The following CPS1 variants were observed in gnomAD, a reference collection of about 807,000 sequenced individuals.
CPS1 encodes the protein carbamoyl-phosphate synthase [ammonia], mitochondrial.
CPS1 carries 109 observed loss-of-function variants against 174.6 expected under a neutral mutation model. That is an observed-to-expected ratio of 0.62 (90% CI 0.53 to 0.73). CPS1 has a LOEUF of 0.73. Among genes scored for constraint, CPS1 ranks in the 30% least tolerant of loss-of-function variants. The pLI is 0.00. For missense variants in CPS1, 1,689 were observed against 1,821.9 expected (o/e 0.93, Z 1.33); for synonymous variants, 637 against 632.0 (o/e 1.01, Z -0.12).
At chr2:210,572,578 A>G (rs1306558107) in intron 1 of CPS1, among the ~76,000 whole-genome samples, 1 of 152,052 alleles carries the variant, frequency 6.6e-6, no homozygotes, top group East Asian at 1.9e-4. Context: ...TTTGGTAGAC[A>G]CTGGCTCAAA....
intron 34 of CPS1, among the ~76,000 whole-genome samples, chr2:210,668,681 CTCTG>C (rs1359585375): frequency 6.6e-6 from 1 of 152,098 alleles, no homozygotes; most frequent in Non-Finnish European, 1.5e-5. Flanking sequence ...CTTGATATTT[CTCTG>C]TCTCTTGATT....
In CPS1 at chr2:210,602,309, T is replaced by A. The variant is rs1698755276; in HGVS notation, c.1815T>A (p.Thr605=). The A allele has an allele frequency of 4.3e-6, 7 of 1,612,618 alleles. No homozygotes were observed. Among genetic ancestry groups the A allele is most frequent in the Non-Finnish European group, 5.1e-6 (6 of 1,179,048 alleles). The part of the protein sequence containing the change: ...LGSGICPNRE[T]LMDLSTKAFA... The stretch of plus-strand genomic sequence containing the variant: ...CAGGCATCTGTCCCAACAGAGAGAC[T>A]TTGATGGACCTCAGCACAAAGGTAT... The change falls in exon 16 of 38, where the codon ACT becomes ACA. Residue 605 remains threonine, a synonymous_variant. Coordinates refer to ENST00000233072, the MANE Select transcript of CPS1 (RefSeq NM_001875.5).
At chr2:210,641,626 C>T (rs906084675) in intron 24 of CPS1, among the ~76,000 whole-genome samples, 1 of 152,214 alleles carries the variant, frequency 6.6e-6, no homozygotes, top group Admixed American at 6.5e-5. Context: ...TACCTGTCTA[C>T]TCTCTGGAGT....
chr2:210,481,857 G>T (rs1248527610), intron 1 of CPS1, among the ~76,000 whole-genome samples: 1 of 152,242 alleles, frequency 6.6e-6, no homozygotes, highest in Non-Finnish European at 1.5e-5. Flanking sequence ...AGACCTAGAA[G>T]GACACTTCAA....
chr2:210,596,176 G>GT (rs1208824114), intron 13 of CPS1, among the ~76,000 whole-genome samples: 9 of 151,936 alleles, frequency 5.9e-5, no homozygotes, highest in African/African-American at 1.9e-4. Flanking sequence ...CATCCTTCCT[G>GT]TTTCTTTAAA....
At chr2:210,487,971 G>A (rs1241646775) in intron 1 of CPS1, among the ~76,000 whole-genome samples, 1 of 152,122 alleles carries the variant, frequency 6.6e-6, no homozygotes, top group Non-Finnish European at 1.5e-5. Context: ...GGACCATGGG[G>A]ATGTGTCCTA....
chr2:210,632,016 A>G (rs1312707060), intron 21 of CPS1, among the ~76,000 whole-genome samples: 1 of 152,242 alleles, frequency 6.6e-6, no homozygotes, highest in Non-Finnish European at 1.5e-5. Context: ...TAAATGGAGT[A>G]TTCCCTATTG....
intron 1 of CPS1, among the ~76,000 whole-genome samples, chr2:210,538,179 A>G (rs1263612560): frequency 5.3e-5 from 8 of 152,118 alleles, no homozygotes; most frequent in African/African-American, 1.9e-4. Flanking sequence ...ATAAGATGCC[A>G]TTTTCAGAGT....
chr2:210,627,302 C>G (rs927643096), intron 21 of CPS1, among the ~76,000 whole-genome samples: 1 of 152,008 alleles, frequency 6.6e-6, no homozygotes, highest in African/African-American at 2.4e-5. Flanking sequence ...TTAAGTTTTG[C>G]TTTATTTATA....
chr2:210,564,665 C>T (rs559340160), intron 1 of CPS1, among the ~76,000 whole-genome samples: 54 of 151,988 alleles, frequency 3.6e-4, no homozygotes, highest in Middle Eastern at 3.4e-3. Flanking sequence ...CGTGAGCCAC[C>T]GCGCCCGGCC....
At chr2:210,595,634 A>C in intron 13 of CPS1, 52 bp downstream of exon 13, 1 of 1,205,428 alleles carries the variant, frequency 8.3e-7, no homozygotes, top group African/African-American at 1.5e-5. Context: ...TAATGAGTCT[A>C]ATTAGTATTT....
chr2:210,674,609 G>A (rs1345998243), intron 34 of CPS1: 10 of 412,724 alleles, frequency 2.4e-5, no homozygotes, highest in African/African-American at 8.0e-5. Flanking sequence ...TTGTAGAACC[G>A]AAGTGGATCT....
chr2:210,643,098 T>C (rs1164634774), intron 25 of CPS1, among the ~76,000 whole-genome samples: 3 of 152,182 alleles, frequency 2.0e-5, no homozygotes, highest in Non-Finnish European at 2.9e-5. Flanking sequence ...TCCCTGAAAA[T>C]AGTCAATTGC....
chr2:210,550,749 G>A lies in CPS1; in HGVS notation c.4-5970G>A, dbSNP rs1483151143. Among the ~76,000 whole-genome samples the A allele has an allele frequency of 3.3e-5, 5 of 151,708 alleles. No individual in the cohort carries two copies. The East Asian group carries it at 9.7e-4, about 29-fold the overall frequency. On this transcript the variant is annotated intron_variant, in intron 1 of 38. Transcript: ENST00000430249. The stretch of plus-strand genomic sequence containing the variant: ...GATGCAGATAATATACTAATATATT[G>A]TGGTTATATCTTCCAATGTTTTAGT...
intron 16 of CPS1, among the ~76,000 whole-genome samples, chr2:210,604,671 G>T (rs984647039): frequency 6.6e-6 from 1 of 151,772 alleles, no homozygotes; most frequent in Non-Finnish European, 1.5e-5. Context: ...CTTTTATTGT[G>T]TGTGTCACTG....
intron 1 of CPS1, among the ~76,000 whole-genome samples, chr2:210,570,757 A>G (rs1483533717): frequency 1.3e-5 from 1 of 75,350 alleles, no homozygotes; most frequent in African/African-American, 3.6e-5. Flanking sequence ...CAAAAAAAAC[A>G]ATATTTCCAG....
intron 34 of CPS1, chr2:210,672,840 CAATAGTTTCCTCTTATA>C (rs1701358198): frequency 6.6e-6 from 1 of 152,068 alleles, no homozygotes; most frequent in Non-Finnish European, 1.5e-5. Flanking sequence ...TTCTATTTAC[CAATAGTTTCCTCTTATA>C]AAACTGCAGT....
At chr2:210,586,058 G>A (rs1381878992) in intron 6 of CPS1, among the ~76,000 whole-genome samples, 1 of 151,778 alleles carries the variant, frequency 6.6e-6, no homozygotes, top group Admixed American at 6.6e-5. Context: ...GTTATTAAAA[G>A]AGTAAAACAG....
intron 1 of CPS1, among the ~76,000 whole-genome samples, chr2:210,505,420 G>T (rs11696008): frequency 1.3e-5 from 2 of 151,638 alleles, no homozygotes; most frequent in Non-Finnish European, 2.9e-5. Flanking sequence ...CAGCAGAATC[G>T]GGCCAAATAG....
Sources: gnomAD v4.1 joint callset for allele counts (sites outside exome capture counted in the v4.1 genomes callset) on GRCh38, gnomAD v4.1.1 for gene constraint, MANE v1.5 for transcripts, NCBI Gene and HGNC (gene_info 2026-07-23, HGNC 2026-07-21) for gene names.